Variants in ABCB5 observed in about 807,000 individuals in gnomAD.
The protein encoded by ABCB5 is ATP-binding cassette sub-family B member 5.
Under a neutral mutation model 144.2 loss-of-function variants are expected in ABCB5, and 155 were observed. The observed-to-expected ratio is 1.08, with a 90% CI of 0.94 to 1.23. The LOEUF (loss-of-function observed/expected upper bound fraction) is 1.23. Ranked by LOEUF, ABCB5 falls within the 50% of genes most tolerant of loss-of-function variation. The probability of loss-of-function intolerance (pLI) is 0.00; values close to 1 mark genes in which losing one functional copy is unlikely to be tolerated. For synonymous variants in ABCB5, 610 were observed against 528.6 expected, an observed-to-expected ratio of 1.15 and a Z score of -2.11; for missense variants, 1,830 against 1,520.8, an observed-to-expected ratio of 1.20 and a Z score of -3.38.
intron 5 of ABCB5, among the ~76,000 whole-genome samples, chr7:20,638,253 T>C (rs1784208453): frequency 6.6e-6 from 1 of 152,100 alleles, no homozygotes; most frequent in South Asian, 2.1e-4. Context: ...ATCCCAACAC[T>C]AATAGATAAA....
chr7:20,720,911 T>A (rs1429643343), intron 20 of ABCB5, among the ~76,000 whole-genome samples: 1 of 116,644 alleles, frequency 8.6e-6, no homozygotes, highest in African/African-American at 3.4e-5. Flanking sequence ...GCCACTGCAC[T>A]CCAGCCTGGG....
intron 20 of ABCB5, among the ~76,000 whole-genome samples, chr7:20,720,879 G>T: frequency 7.1e-6 from 1 of 141,738 alleles, no homozygotes; most frequent in African/African-American, 2.6e-5. Context: ...GGGAGGCGGA[G>T]CTTGCAGTGA....
intron 14 of ABCB5, among the ~76,000 whole-genome samples, chr7:20,679,478 A>AAAAAAG (rs1785719795): frequency 6.6e-6 from 1 of 150,542 alleles, no homozygotes; most frequent in Non-Finnish European, 1.5e-5. Context: ...TCTCAAAAAA[A>AAAAAAG]AAAAAAAAGA....
At chr7:20,711,921 CTCTT>C (rs1448974667) in intron 20 of ABCB5, among the ~76,000 whole-genome samples, 2 of 122,776 alleles carry the variant, frequency 1.6e-5, no homozygotes, top group East Asian at 2.8e-4. Flanking sequence ...TTCTTTCTCT[CTCTT>C]TCTTTTTCTT....
intron 15 of ABCB5, among the ~76,000 whole-genome samples, chr7:20,682,423 A>T (rs1270173967): frequency 6.6e-6 from 1 of 152,164 alleles, no homozygotes; most frequent in Non-Finnish European, 1.5e-5. Context: ...AAAAGGCTTC[A>T]TGGAAGAGGT....
At chr7:20,731,872 A>T (rs1782234333) in intron 23 of ABCB5, among the ~76,000 whole-genome samples, 1 of 152,090 alleles carries the variant, frequency 6.6e-6, no homozygotes, top group African/African-American at 2.4e-5. Context: ...TGACTGGACC[A>T]CTGCAACAAC....
intron 16 of ABCB5, among the ~76,000 whole-genome samples, chr7:20,689,288 A>G (rs1025146318): frequency 6.6e-6 from 1 of 152,196 alleles, no homozygotes; most frequent in African/African-American, 2.4e-5. Flanking sequence ...GAAAGGGCAC[A>G]GCTGTGGTTC....
At chr7:20,639,646 A>C (rs187290597) in intron 5 of ABCB5, among the ~76,000 whole-genome samples, 1 of 152,332 alleles carries the variant, frequency 6.6e-6, no homozygotes, top group East Asian at 1.9e-4. Flanking sequence ...GCTAAAAATC[A>C]ACTGCCAATA....
At position 20,706,332 on chromosome 7, in the gene ABCB5, G is replaced by A. The variant is rs150315523; in HGVS notation, c.2421+1525G>A. 3.3e-4 allele frequency among the ~76,000 whole-genome samples: 50 copies of A among 151,956 alleles called. No homozygotes were observed. The East Asian group carries it at 4.2e-3, about 13-fold the overall frequency. Reference sequence around the variant, plus strand: ...TACTACTTATATTTCAAATCTTTTCGGAATCTTTTGAGTGAAACAGGCATT... The same window carrying A: ...TACTACTTATATTTCAAATCTTTTCAGAATCTTTTGAGTGAAACAGGCATT... On this transcript the variant is annotated intron_variant, in intron 20 of 27. Transcript: ENST00000404938.
At chr7:20,728,001 C>G (rs1782090779) in intron 22 of ABCB5, among the ~76,000 whole-genome samples, 1 of 152,132 alleles carries the variant, frequency 6.6e-6, no homozygotes, top group South Asian at 2.1e-4. Context: ...ATACCTAAAC[C>G]AAATCTCTAA....
chr7:20,700,358 A>G (rs1316983417), intron 19 of ABCB5, among the ~76,000 whole-genome samples: 1 of 152,260 alleles, frequency 6.6e-6, no homozygotes, highest in African/African-American at 2.4e-5. Flanking sequence ...AAAAGAATGT[A>G]GGATCTACTC....
At chr7:20,683,669 C>G (rs1467640678) in intron 15 of ABCB5, among the ~76,000 whole-genome samples, 1 of 151,938 alleles carries the variant, frequency 6.6e-6, no homozygotes, top group Non-Finnish European at 1.5e-5. Context: ...CTCTGGTTAC[C>G]TAAAATGATG....
intron 5 of ABCB5, among the ~76,000 whole-genome samples, chr7:20,640,259 A>T (rs185497476): frequency 1.3e-5 from 2 of 152,306 alleles, no homozygotes; most frequent in Admixed American, 1.3e-4. Context: ...AATTCTGAAG[A>T]TTACTCTTAG....
At chr7:20,711,230 G>A (rs764022036) in intron 20 of ABCB5, among the ~76,000 whole-genome samples, 1 of 149,204 alleles carries the variant, frequency 6.7e-6, no homozygotes, top group South Asian at 2.1e-4. Flanking sequence ...TACTCACGTA[G>A]CTAACATTTC....
At chr7:20,708,571 C>A (rs541271299) in intron 20 of ABCB5, among the ~76,000 whole-genome samples, 1 of 152,254 alleles carries the variant, frequency 6.6e-6, no homozygotes, top group South Asian at 2.1e-4. Flanking sequence ...CACTGCTAAG[C>A]CATCAAACTG....
At chr7:20,688,291 T>A (rs377388975) in intron 16 of ABCB5, among the ~76,000 whole-genome samples, 9 of 152,338 alleles carry the variant, frequency 5.9e-5, no homozygotes, top group African/African-American at 2.2e-4. Context: ...ACAGAGTTAA[T>A]GGGAGTTCTA....
Position 20,628,222 on chromosome 7 carries a change from T to C in ABCB5, c.109-466T>C, listed in dbSNP as rs142404693. On this transcript the variant is annotated intron_variant, in intron 3 of 27. Coordinates refer to ENST00000404938, the MANE Select transcript of ABCB5 (RefSeq NM_001163941.2). The stretch of plus-strand genomic sequence containing the variant: ...CCCACCCTGTGTCCATGTGTTCTCA[T>C]TGTTCAACTCCCACCTATGAGTGAG... Among the ~76,000 whole-genome samples, 785 of 151,864 alleles carry C rather than the reference T, an allele frequency of 5.2e-3. 7 individuals are homozygous for C. The highest frequency in any genetic ancestry group is 0.018 in the African/African-American group (750 of 41,448).
chr7:20,660,642 G>T (rs1011871049), intron 14 of ABCB5, among the ~76,000 whole-genome samples: 2 of 152,172 alleles, frequency 1.3e-5, no homozygotes, highest in African/African-American at 4.8e-5. Flanking sequence ...GGGTAAGAAA[G>T]GTAGGACATC....
intron 5 of ABCB5, among the ~76,000 whole-genome samples, chr7:20,642,661 T>A (rs947356265): frequency 6.6e-6 from 1 of 152,248 alleles, no homozygotes; most frequent in Non-Finnish European, 1.5e-5. Context: ...ACATTTCTTA[T>A]CTGATCTCCT....
Sources: gnomAD v4.1 joint callset for allele counts (sites outside exome capture counted in the v4.1 genomes callset) on GRCh38, gnomAD v4.1.1 for gene constraint, MANE v1.5 for transcripts, NCBI Gene and HGNC (gene_info 2026-07-23, HGNC 2026-07-21) for gene names.